The following HDAC9 variants were observed in gnomAD, a reference collection of about 807,000 sequenced individuals.
HDAC9 encodes the protein histone deacetylase 9.
In HDAC9, 41 loss-of-function variants were observed where a neutral mutation model predicts 139.4. The ratio of observed to expected loss-of-function variants is 0.29; its 90% confidence interval spans 0.23 to 0.38. HDAC9 has a LOEUF of 0.38. HDAC9 is among the 10% of genes least tolerant of loss of function. The pLI, the probability that HDAC9 is intolerant of heterozygous loss-of-function variation, is 1.00. For missense variants in HDAC9, 1,147 were observed against 1,297.0 expected (o/e 0.88, Z 1.78); for synonymous variants, 517 against 476.2 (o/e 1.09, Z -1.12).
chr7:18,964,968 A>C (rs1483938972), intron 24 of HDAC9, among the ~76,000 whole-genome samples: 3 of 152,234 alleles, frequency 2.0e-5, no homozygotes, highest in Admixed American at 6.5e-5. Context: ...CCATGTAGGG[A>C]AATTGAGATA....
chr7:18,488,400 A>G (rs1425737948), intron 1 of HDAC9, among the ~76,000 whole-genome samples: 5 of 152,026 alleles, frequency 3.3e-5, no homozygotes. Flanking sequence ...ATGCAAAATG[A>G]TGTTAAGTTG....
chr7:18,980,274 G>A (rs1243638819), intron 25 of HDAC9, among the ~76,000 whole-genome samples: 2 of 152,036 alleles, frequency 1.3e-5, no homozygotes, highest in Non-Finnish European at 2.9e-5. Context: ...ACAAAACAGT[G>A]TTTACTTTGA....
At chr7:18,578,407 T>C (rs1435727083) in intron 2 of HDAC9, among the ~76,000 whole-genome samples, 2 of 152,104 alleles carry the variant, frequency 1.3e-5, no homozygotes, top group Admixed American at 1.3e-4. Context: ...AAAACTTCTG[T>C]TTTCTGTTTT....
At chr7:18,493,127 G>A (rs909703467), upstream of HDAC9, among the ~76,000 whole-genome samples, 6 of 151,922 alleles carry the variant, frequency 3.9e-5, no homozygotes, top group East Asian at 9.7e-4. Context: ...CAGTCTTCTG[G>A]AGTTTTATTC....
chr7:18,904,314 A>C lies in HDAC9; in HGVS notation c.2803+29718A>C, dbSNP rs527618023. On this transcript the variant is annotated intron_variant, in intron 22 of 25. Transcript: ENST00000686413. ...AAGGAGGATTTAAAAAAATGCTGCT[A>C]CCAGGTGAAAGAATTCACAGATTAT... is the stretch of plus-strand genomic sequence containing the variant. Among the ~76,000 whole-genome samples, 5 of 152,298 alleles carry C rather than the reference A, an allele frequency of 3.3e-5. No homozygotes were observed. The East Asian group carries it at 9.7e-4, about 29-fold the overall frequency.
intron 12 of HDAC9, among the ~76,000 whole-genome samples, chr7:18,701,798 T>A (rs774651791): frequency 6.6e-6 from 1 of 152,244 alleles, no homozygotes; most frequent in Non-Finnish European, 1.5e-5. Context: ...CTTGTACATA[T>A]GATTTCCCAT....
chr7:18,774,173 AAAT>A (rs1163231778), intron 16 of HDAC9, among the ~76,000 whole-genome samples: 2 of 152,070 alleles, frequency 1.3e-5, no homozygotes, highest in East Asian at 1.9e-4. Flanking sequence ...TTTAAATAAA[AAAT>A]AATAAGTAAA....
chr7:18,859,568 A>G (rs1035820072), intron 21 of HDAC9, among the ~76,000 whole-genome samples: 3 of 151,434 alleles, frequency 2.0e-5, no homozygotes, highest in Non-Finnish European at 4.4e-5. Flanking sequence ...AAAAAACTTG[A>G]TGATGCTGCC....
upstream of HDAC9, among the ~76,000 whole-genome samples, chr7:18,285,432 A>G (rs1490797436): frequency 1.3e-5 from 2 of 152,088 alleles, no homozygotes; most frequent in Admixed American, 6.5e-5. Context: ...ATGGACATTC[A>G]TTTACATAAA....
At chr7:18,807,525 T>C (rs1411819927) in intron 17 of HDAC9, among the ~76,000 whole-genome samples, 1 of 152,176 alleles carries the variant, frequency 6.6e-6, no homozygotes, top group Non-Finnish European at 1.5e-5. Context: ...TAAAGGTTTG[T>C]TGTTTATTTG....
At chr7:18,135,728 G>A (rs1785358222) in intron 1 of HDAC9, among the ~76,000 whole-genome samples, 1 of 146,744 alleles carries the variant, frequency 6.8e-6, no homozygotes, top group Non-Finnish European at 1.5e-5. Flanking sequence ...TTGGTTCCAA[G>A]TCTTTGCTAT....
At chr7:18,987,109 A>G (rs983656693) in intron 25 of HDAC9, among the ~76,000 whole-genome samples, 1 of 152,206 alleles carries the variant, frequency 6.6e-6, no homozygotes, top group African/African-American at 2.4e-5. Context: ...ACTATGTTGA[A>G]GAGGAGTGGT....
chr7:18,493,059 G>T (rs1260680641), upstream of HDAC9, among the ~76,000 whole-genome samples: 1 of 151,942 alleles, frequency 6.6e-6, no homozygotes, highest in African/African-American at 2.4e-5. Flanking sequence ...ATTATTTACA[G>T]TATTTTATGT....
intron 17 of HDAC9, among the ~76,000 whole-genome samples, chr7:18,803,999 C>T (rs779273372): frequency 6.6e-6 from 1 of 152,072 alleles, no homozygotes; most frequent in Non-Finnish European, 1.5e-5. Context: ...AGGTTTCCTG[C>T]TGAAGAGCAA....
chr7:18,931,593 C>A (rs1315510242), intron 22 of HDAC9, among the ~76,000 whole-genome samples: 1 of 152,080 alleles, frequency 6.6e-6, no homozygotes, highest in Non-Finnish European at 1.5e-5. Flanking sequence ...TGGTGAACAT[C>A]AAGTGCTAGA....
chr7:18,758,208 T>A (rs1027485489), intron 14 of HDAC9, among the ~76,000 whole-genome samples: 1 of 152,222 alleles, frequency 6.6e-6, no homozygotes, highest in Non-Finnish European at 1.5e-5. Flanking sequence ...AATCCCCAGA[T>A]GAAATCCATT....
intron 22 of HDAC9, among the ~76,000 whole-genome samples, chr7:18,895,997 G>A (rs1801163378): frequency 6.6e-6 from 1 of 151,998 alleles, no homozygotes; most frequent in Non-Finnish European, 1.5e-5. Context: ...TGTTTATTTG[G>A]ATAATCAAGA....
At chr7:18,964,805 C>A (rs2129330813) in intron 24 of HDAC9, among the ~76,000 whole-genome samples, 1 of 152,294 alleles carries the variant, frequency 6.6e-6, no homozygotes, top group South Asian at 2.1e-4. Flanking sequence ...ATGGGGGACA[C>A]CACCCTCATG....
In HDAC9 at chr7:18,980,679, G is replaced by A. The variant is rs4721734; in HGVS notation, c.3170+4726G>A. On this transcript the variant is annotated intron_variant, in intron 25 of 25. Coordinates refer to ENST00000686413, the MANE Select transcript of HDAC9 (RefSeq NM_178425.4). ...ACTTTTTCTTGTTCTTCTTGTTCTT[G>A]TTCTTCTTGTTCTTCTTCCTTCTTC... 4.5e-5 allele frequency among the ~76,000 whole-genome samples: 6 copies of A among 132,480 alleles called. 1 individual carries two copies. The highest frequency in any genetic ancestry group is 1.7e-4 in the African/African-American group (6 of 34,492). The allele number at this position is 132,480 out of a possible 152,430, so 86.9% of individuals were successfully genotyped here.
Sources: allele counts gnomAD v4.1 joint callset (sites outside exome capture counted in the v4.1 genomes callset), GRCh38; gene constraint gnomAD v4.1.1; transcripts MANE v1.5; gene names NCBI Gene and HGNC (gene_info 2026-07-23, HGNC 2026-07-21).